RCAN2: variants seen among roughly 807,000 people sequenced by gnomAD.
The protein encoded by RCAN2 is calcipressin-2.
A neutral mutation model predicts 23.6 loss-of-function variants in RCAN2; 9 were observed. That is an observed-to-expected ratio of 0.38 (90% CI 0.23 to 0.67). RCAN2 has a LOEUF of 0.67. Among genes scored for constraint, RCAN2 ranks in the 30% least tolerant of loss-of-function variants. The pLI, the probability that RCAN2 is intolerant of heterozygous loss-of-function variation, is 0.51. For synonymous variants in RCAN2, 109 were observed against 115.7 expected, an observed-to-expected ratio of 0.94 and a Z score of 0.37; for missense variants, 273 against 302.3, an observed-to-expected ratio of 0.90 and a Z score of 0.72.
At chr6:46,267,037 G>A (rs1767356101) in intron 2 of RCAN2, among the ~76,000 whole-genome samples, 2 of 152,128 alleles carry the variant, frequency 1.3e-5, no homozygotes, top group African/African-American at 4.8e-5. Context: ...AAAAAAACAG[G>A]TCTAGGATAA....
chr6:46,223,960 G>A (rs540414328), intron 4 of RCAN2, among the ~76,000 whole-genome samples: 10 of 152,260 alleles, frequency 6.6e-5, no homozygotes, highest in Middle Eastern at 3.4e-3. Context: ...AGCATCTCTC[G>A]TGGTCTATTG....
At position 46,311,121 on chromosome 6, in the gene RCAN2, A is replaced by C. The variant is rs569411688; in HGVS notation, c.226-62225T>G. ...AGGGGAAAACTTCCCAAGACTGCAA[A>C]ATTAGTAACTATTAGGGCCAGGGTT... is the stretch of plus-strand genomic sequence containing the variant. On this transcript the variant is annotated intron_variant, in intron 2 of 4. Coordinates refer to ENST00000371374, the MANE Select transcript of RCAN2 (RefSeq NM_001251974.2). Among the ~76,000 whole-genome samples, 17 of 152,292 alleles carry C rather than the reference A, an allele frequency of 1.1e-4. 1 individual carries two copies. Among genetic ancestry groups the C allele is most frequent in the African/African-American group, 4.1e-4 (17 of 41,556 alleles).
intron 2 of RCAN2, among the ~76,000 whole-genome samples, chr6:46,336,944 T>G (rs966935145): frequency 4.1e-5 from 5 of 120,884 alleles, no homozygotes; most frequent in South Asian, 2.9e-4. Flanking sequence ...AAAAACATAT[T>G]GGAAGTACCA....
At chr6:46,381,548 C>T (rs1187540951) in intron 2 of RCAN2, among the ~76,000 whole-genome samples, 1 of 152,164 alleles carries the variant, frequency 6.6e-6, no homozygotes, top group Admixed American at 6.5e-5. Flanking sequence ...GTATCAAGCC[C>T]TCACACAGTA....
chr6:46,328,851 C>T (rs145534239), intron 2 of RCAN2, among the ~76,000 whole-genome samples: 2,346 of 152,302 alleles, frequency 0.015, 34 homozygotes, highest in African/African-American at 0.028. Context: ...CCTCATGATC[C>T]GCCCACGCTG....
chr6:46,443,563 T>C (rs1387095495), intron 2 of RCAN2, among the ~76,000 whole-genome samples: 2 of 152,142 alleles, frequency 1.3e-5, no homozygotes, highest in Non-Finnish European at 1.5e-5. Flanking sequence ...GATGTAGTTA[T>C]AAAAATAAAT....
intron 4 of RCAN2, among the ~76,000 whole-genome samples, chr6:46,243,783 C>G (rs986913686): frequency 8.7e-6 from 1 of 114,732 alleles, no homozygotes. Flanking sequence ...GCACTCCAGC[C>G]TGGGTGACAG....
intron 1 of RCAN2, among the ~76,000 whole-genome samples, chr6:46,477,446 A>G (rs559177570): frequency 1.3e-5 from 2 of 152,312 alleles, no homozygotes; most frequent in East Asian, 1.9e-4. Context: ...TTTGAATTCC[A>G]GCTATGCCAC....
Position 46,273,725 on chromosome 6 carries a change from A to G in RCAN2, c.226-24829T>C, listed in dbSNP as rs141287537. ...GGTATTTTCTCTTTATATAATGCAG[A>G]AGAGATTAATCAACATTGATTTGGC... On this transcript the variant is annotated intron_variant, in intron 2 of 4. Transcript: ENST00000371374. 3.7e-3 allele frequency among the ~76,000 whole-genome samples: 558 copies of G among 152,372 alleles called. 4 individuals carry two copies. The highest frequency in any genetic ancestry group is 6.8e-3 in the Non-Finnish European group (460 of 68,028).
chr6:46,457,156 A>G (rs1199778962), intron 1 of RCAN2, among the ~76,000 whole-genome samples, 178 bp from the exon 2 acceptor site: 1 of 152,198 alleles, frequency 6.6e-6, no homozygotes, highest in East Asian at 1.9e-4. Flanking sequence ...TCCCTGAACC[A>G]GAATTTCCCA....
intron 1 of RCAN2, among the ~76,000 whole-genome samples, chr6:46,490,532 T>C (rs1246170764): frequency 6.6e-6 from 1 of 152,150 alleles, no homozygotes; most frequent in African/African-American, 2.4e-5. Flanking sequence ...GGGATTTGCC[T>C]GTTCCCTCTG....
intron 1 of RCAN2, among the ~76,000 whole-genome samples, chr6:46,467,307 T>C (rs1004622789): frequency 1.3e-5 from 2 of 152,208 alleles, no homozygotes; most frequent in African/African-American, 4.8e-5. Context: ...TGTGTGACCT[T>C]GGACAAATCA....
intron 2 of RCAN2, among the ~76,000 whole-genome samples, chr6:46,338,818 G>C (rs560131657): frequency 6.6e-6 from 1 of 152,074 alleles, no homozygotes; most frequent in South Asian, 2.1e-4. Context: ...TTTGAGGCCA[G>C]TCTGGCCAAA....
intron 2 of RCAN2, among the ~76,000 whole-genome samples, chr6:46,264,054 C>T: frequency 6.6e-6 from 1 of 152,120 alleles, no homozygotes. Context: ...AAAAATTACC[C>T]CTTTGCAGAA....
intron 2 of RCAN2, among the ~76,000 whole-genome samples, chr6:46,337,677 C>T (rs1298623182): frequency 6.6e-6 from 1 of 152,160 alleles, no homozygotes; most frequent in Non-Finnish European, 1.5e-5. Context: ...ATTGGCAATC[C>T]ATAGCTTGAT....
intron 2 of RCAN2, among the ~76,000 whole-genome samples, chr6:46,347,996 A>T (rs1012371421): frequency 1.8e-4 from 27 of 152,330 alleles, no homozygotes; most frequent in Non-Finnish European, 1.9e-4. Flanking sequence ...AAGTCTGGGG[A>T]GGACAGCGTG....
intron 2 of RCAN2, among the ~76,000 whole-genome samples, chr6:46,363,842 A>G (rs1765090334): frequency 6.6e-6 from 1 of 152,184 alleles, no homozygotes; most frequent in Non-Finnish European, 1.5e-5. Context: ...CTCATTAATT[A>G]ATAAGGCAAC....
At chr6:46,367,829 T>C (rs1450482256) in intron 2 of RCAN2, among the ~76,000 whole-genome samples, 1 of 152,220 alleles carries the variant, frequency 6.6e-6, no homozygotes, top group African/African-American at 2.4e-5. Flanking sequence ...TTTACATAGA[T>C]GGCAATTAAT....
At chr6:46,381,693 G>A (rs1765619563) in intron 2 of RCAN2, among the ~76,000 whole-genome samples, 2 of 152,146 alleles carry the variant, frequency 1.3e-5, no homozygotes, top group Non-Finnish European at 2.9e-5. Flanking sequence ...TCTCCTTTCT[G>A]CCTTGGCCAC....
Sources: gnomAD v4.1 joint callset for allele counts (sites outside exome capture counted in the v4.1 genomes callset) on GRCh38, gnomAD v4.1.1 for gene constraint, MANE v1.5 for transcripts, NCBI Gene and HGNC (gene_info 2026-07-23, HGNC 2026-07-21) for gene names.